SLC25A48: variants seen among roughly 807,000 people sequenced by gnomAD.
SLC25A48 encodes the protein CTC-321K16.1.
In SLC25A48, 29 loss-of-function variants were observed where a neutral mutation model predicts 32.2. The observed-to-expected ratio is 0.90, with a 90% CI of 0.67 to 1.23. The LOEUF (loss-of-function observed/expected upper bound fraction) is 1.23. Ranked by LOEUF, SLC25A48 falls within the 50% of genes most tolerant of loss-of-function variation. The probability of loss-of-function intolerance (pLI) is 0.00; values close to 1 mark genes in which losing one functional copy is unlikely to be tolerated. For missense variants in SLC25A48, 399 were observed against 422.7 expected (o/e 0.94, Z 0.49); for synonymous variants, 164 against 172.3 (o/e 0.95, Z 0.38).
chr5:135,750,948 G>A (rs578211752), intron 3 of SLC25A48, among the ~76,000 whole-genome samples: 27 of 152,296 alleles, frequency 1.8e-4, no homozygotes, highest in Admixed American at 1.6e-3. Context: ...TGACCCACGG[G>A]AGGTAAAACA....
intron 2 of SLC25A48, among the ~76,000 whole-genome samples, chr5:135,850,169 C>A (rs1759728935): frequency 1.3e-5 from 2 of 152,166 alleles, no homozygotes. Context: ...GGGGATCATA[C>A]AATCATTCGG....
intron 1 of SLC25A48, among the ~76,000 whole-genome samples, chr5:135,620,544 A>G (rs1752302690): frequency 6.6e-6 from 1 of 152,080 alleles, no homozygotes; most frequent in Non-Finnish European, 1.5e-5. Flanking sequence ...ATCTTTACTC[A>G]TACTTCAGCC....
At chr5:135,718,779 A>G (rs1488162589) in intron 3 of SLC25A48, among the ~76,000 whole-genome samples, 1 of 151,922 alleles carries the variant, frequency 6.6e-6, no homozygotes, top group Non-Finnish European at 1.5e-5. Context: ...GATTCCATTT[A>G]TGTAATGTTT....
intron 3 of SLC25A48, among the ~76,000 whole-genome samples, chr5:135,799,709 G>T (rs748513819): frequency 6.6e-6 from 1 of 151,618 alleles, no homozygotes; most frequent in Non-Finnish European, 1.5e-5. Flanking sequence ...CTGTAAATTT[G>T]TTCCTAATAT....
chr5:135,743,351 C>T (rs929220849), intron 3 of SLC25A48, among the ~76,000 whole-genome samples: 1 of 151,832 alleles, frequency 6.6e-6, no homozygotes, highest in African/African-American at 2.4e-5. Context: ...GAATTAAAGG[C>T]ATGAGCCACT....
rs1168407670 is a variant in SLC25A48, at chr5:135,650,334, T to G, written c.-521+15378T>G. 6.7e-6 allele frequency: 3 copies of G among 444,620 alleles called. No homozygotes were observed. In the East Asian group the frequency reaches 2.1e-4, roughly 31 times the overall value. The allele number at this position is 444,620 out of a possible 1,614,324, so 27.5% of individuals were successfully genotyped here. The stretch of plus-strand genomic sequence containing the variant: ...CTTGACTGGTACACTCCAAGCTCAC[T>G]TAGTCATGAGAATGGACGGACATTG... On this transcript the variant is annotated intron_variant, in intron 3 of 10. Transcript: ENST00000646290.
chr5:135,835,246 C>T, intron 1 of SLC25A48: 1 of 512,666 alleles, frequency 2.0e-6, no homozygotes, highest in Non-Finnish European at 3.8e-6. Flanking sequence ...GAATTGCGGA[C>T]GTGGCTCGCG....
chr5:135,596,087 C>G (rs1475659372), intron 1 of SLC25A48, among the ~76,000 whole-genome samples: 1 of 152,228 alleles, frequency 6.6e-6, no homozygotes, highest in Non-Finnish European at 1.5e-5. Flanking sequence ...AAAAACAAGT[C>G]TGCACAATTC....
chr5:135,589,613 A>T (rs1023439620), intron 1 of SLC25A48, among the ~76,000 whole-genome samples: 14 of 152,248 alleles, frequency 9.2e-5, no homozygotes, highest in African/African-American at 3.1e-4. Flanking sequence ...ATTCATTCAT[A>T]CTTTGAATTT....
chr5:135,820,919 G>A (rs958071864), intron 4 of SLC25A48, among the ~76,000 whole-genome samples: 5 of 152,284 alleles, frequency 3.3e-5, no homozygotes, highest in South Asian at 4.1e-4. Context: ...TGGAGAACCC[G>A]GCTGGGTCAC....
intron 3 of SLC25A48, among the ~76,000 whole-genome samples, chr5:135,750,299 T>TTAATTAA (rs1346455536): frequency 2.0e-5 from 3 of 152,136 alleles, no homozygotes; most frequent in Admixed American, 2.0e-4. Context: ...AAAACCACCA[T>TTAATTAA]GGTTTATTGC....
chr5:135,719,697 G>A (rs1256199848), intron 3 of SLC25A48, among the ~76,000 whole-genome samples: 2 of 152,190 alleles, frequency 1.3e-5, no homozygotes, highest in African/African-American at 4.8e-5. Flanking sequence ...GTTTATGGCT[G>A]GTCCTGATTG....
intron 7 of SLC25A48, 129 bp from the exon 8 acceptor site, chr5:135,887,903 A>C (rs1762792723): frequency 2.4e-6 from 2 of 850,960 alleles, no homozygotes. Context: ...AATCAAGTGC[A>C]AAAGTGTTTT....
At chr5:135,675,312 A>G (rs960616336) in intron 3 of SLC25A48, among the ~76,000 whole-genome samples, 2 of 151,908 alleles carry the variant, frequency 1.3e-5, no homozygotes, top group Non-Finnish European at 2.9e-5. Flanking sequence ...TACTCTGTTG[A>G]TTGTTTGCTG....
At chr5:135,879,609 A>AGTGTGTGT (rs1268618534) in intron 6 of SLC25A48, among the ~76,000 whole-genome samples, 1 of 127,042 alleles carries the variant, frequency 7.9e-6, no homozygotes, top group Non-Finnish European at 1.5e-5. Flanking sequence ...AGAGAGAGAG[A>AGTGTGTGT]GAGTGTGTGT....
intron 3 of SLC25A48, among the ~76,000 whole-genome samples, chr5:135,763,376 C>T (rs1756111179): frequency 6.6e-6 from 1 of 152,020 alleles, no homozygotes; most frequent in African/African-American, 2.4e-5. Flanking sequence ...TTCATGGTGT[C>T]ATCCCCCTGC....
At chr5:135,799,677 T>C (rs1311196253) in intron 3 of SLC25A48, among the ~76,000 whole-genome samples, 1 of 151,716 alleles carries the variant, frequency 6.6e-6, no homozygotes, top group Non-Finnish European at 1.5e-5. Context: ...ACTCCCAATA[T>C]CGCAAAGGGT....
intron 3 of SLC25A48, among the ~76,000 whole-genome samples, chr5:135,807,967 T>G (rs1431596108): frequency 1.3e-5 from 2 of 150,686 alleles, no homozygotes; most frequent in African/African-American, 4.8e-5. Context: ...ACACTGTATG[T>G]TAACACAAGG....
At position 135,888,433 on chromosome 5, in the gene SLC25A48, C is replaced by G. The variant is rs531225950; in HGVS notation, c.*409C>G. 3 of 228,070 alleles carry G rather than the reference C, an allele frequency of 1.3e-5. No individual in the cohort carries two copies. The highest frequency in any genetic ancestry group is 2.6e-5 in the Non-Finnish European group (3 of 113,208). 14.1% of individuals were successfully genotyped at this position (228,070 alleles called of 1,614,324 possible). On this transcript the variant is annotated 3_prime_UTR_variant, in exon 8 of 8. Transcript: ENST00000681962. ...CCTCCAGTCTCAAGTAACACGTCCC[C>G]GTGCCTCCAGTCTCCTCTCAGCACC...
Sources: gnomAD v4.1 joint callset for allele counts (sites outside exome capture counted in the v4.1 genomes callset) on GRCh38, gnomAD v4.1.1 for gene constraint, MANE v1.5 for transcripts, NCBI Gene and HGNC (gene_info 2026-07-23, HGNC 2026-07-21) for gene names.